AUTS2: variants seen among roughly 807,000 people sequenced by gnomAD.
The protein encoded by AUTS2 is autism susceptibility gene 2 protein.
Under a neutral mutation model 112.4 loss-of-function variants are expected in AUTS2, and 17 were observed. That is an observed-to-expected ratio of 0.15 (90% confidence interval 0.10 to 0.23). AUTS2 has a LOEUF of 0.23. AUTS2 is among the 10% of genes least tolerant of loss of function. The probability of loss-of-function intolerance (pLI) is 1.00; values close to 1 mark genes in which losing one functional copy is unlikely to be tolerated. For synonymous variants in AUTS2, 751 were observed against 702.7 expected (o/e 1.07, Z -1.09); for missense variants, 1,510 against 1,701.6 (o/e 0.89, Z 1.98).
intron 4 of AUTS2, among the ~76,000 whole-genome samples, chr7:70,265,229 G>T (rs1246200612): frequency 6.6e-6 from 1 of 152,184 alleles, no homozygotes; most frequent in Admixed American, 6.5e-5. Context: ...AGAATGGGGA[G>T]ACTGGAGTAC....
intron 4 of AUTS2, among the ~76,000 whole-genome samples, chr7:70,210,515 A>G (rs1440438342): frequency 6.6e-6 from 1 of 152,218 alleles, no homozygotes; most frequent in Admixed American, 6.5e-5. Context: ...GACATTTCCT[A>G]TTACCAGCAA....
chr7:70,724,443 C>CTT lies in AUTS2; in HGVS notation c.742+25842_742+25843dup, dbSNP rs71077675. ...AAGAATGATTTTATTTTCATCCTGACTTTTTTTTTTTTTTTTTTTTGAGAC... is the reference window on the plus strand; with the variant it reads ...AAGAATGATTTTATTTTCATCCTGACTTTTTTTTTTTTTTTTTTTTTTGAGAC... On this transcript the variant is annotated intron_variant, in intron 6 of 18. Transcript: ENST00000342771. Among the ~76,000 whole-genome samples the CTT allele has an allele frequency of 1.5e-3, 150 of 101,360 alleles. 5 individuals carry two copies. The highest frequency in any genetic ancestry group is 2.3e-3 in the African/African-American group (66 of 29,038). The allele number at this position is 101,360 out of a possible 152,430, so 66.5% of individuals were successfully genotyped here. A position where few individuals can be genotyped will look rare whatever the true frequency, so the allele number is the denominator to read the frequency against.
intron 5 of AUTS2, among the ~76,000 whole-genome samples, chr7:70,438,672 T>C (rs1795995861): frequency 6.6e-6 from 1 of 152,202 alleles, no homozygotes; most frequent in Admixed American, 6.5e-5. Context: ...TTCTGCTCTG[T>C]CGGAGCCTGG....
intron 5 of AUTS2, among the ~76,000 whole-genome samples, chr7:70,498,527 T>C (rs1026073304): frequency 6.6e-6 from 1 of 152,134 alleles, no homozygotes; most frequent in African/African-American, 2.4e-5. Flanking sequence ...TTCTCTTAAA[T>C]GGGATAGAAT....
intron 4 of AUTS2, among the ~76,000 whole-genome samples, chr7:70,151,116 T>A (rs1199506397): frequency 6.6e-6 from 1 of 151,964 alleles, no homozygotes; most frequent in Non-Finnish European, 1.5e-5. Context: ...ATACTGAGAG[T>A]CCAGGAAGAA....
intron 5 of AUTS2, among the ~76,000 whole-genome samples, chr7:70,664,005 C>T (rs1242733277): frequency 2.6e-5 from 4 of 152,080 alleles, no homozygotes; most frequent in African/African-American, 9.7e-5. Context: ...TCTGACTCCA[C>T]CAAGGCAGAA....
chr7:70,583,756 C>T lies in AUTS2; in HGVS notation c.691-114813C>T, dbSNP rs139358108. ...TGCCGAGCAACTCTGTCCTTCTGGGCGAGCCTTTCTTTGTGGAAGAAAGCA... is the reference window on the plus strand; with the variant it reads ...TGCCGAGCAACTCTGTCCTTCTGGGTGAGCCTTTCTTTGTGGAAGAAAGCA... On this transcript the variant is annotated intron_variant, in intron 5 of 18. Coordinates refer to ENST00000342771, the MANE Select transcript of AUTS2 (RefSeq NM_015570.4). 1.1e-4 allele frequency among the ~76,000 whole-genome samples: 17 copies of T among 152,276 alleles called. No homozygotes were observed. The East Asian group carries it at 3.3e-3, about 29-fold the overall frequency.
In AUTS2 at chr7:69,899,370, G is replaced by A; in HGVS notation, c.394G>A (p.Gly132Ser). 1 of 1,614,046 alleles carries A rather than the reference G, an allele frequency of 6.2e-7. No individual in the cohort carries two copies. The highest frequency in any genetic ancestry group is 8.5e-7 in the Non-Finnish European group (1 of 1,179,952). ...TKKKREALTN[G>S]LSFHSKKSRL... ...GAAGAAACGAGAAGCACTTACCAATGGCTTGTCCTTTCATTCAAAGAAGAG... is the reference window on the plus strand; with the variant it reads ...GAAGAAACGAGAAGCACTTACCAATAGCTTGTCCTTTCATTCAAAGAAGAG... The change falls in exon 2 of 19, where the codon GGC becomes AGC. Residue 132 changes from glycine (G) to serine (S), a missense_variant. By Grantham distance (56) the Gly-to-Ser change is moderately conservative (BLOSUM62 0). This residue lies in a region of AUTS2 where 535 missense variants were observed against 594.3 expected (regional missense o/e 0.90). Transcript: ENST00000342771.
rs952884928 is a variant in AUTS2 at position 70,352,303 on chromosome 7, C to T, written c.661-83449C>T. Among the ~76,000 whole-genome samples, 5 of 152,330 alleles carry T rather than the reference C, an allele frequency of 3.3e-5. No individual in the cohort carries two copies. The South Asian group carries it at 8.3e-4, about 25-fold the overall frequency. Reference sequence around the variant, plus strand: ...TTTGCTGTCTCTGAAAATCCTTGCTCTTACAGTGTCAGCCAGAGTCCTGCA... The same window carrying T: ...TTTGCTGTCTCTGAAAATCCTTGCTTTTACAGTGTCAGCCAGAGTCCTGCA... On this transcript the variant is annotated intron_variant, in intron 4 of 18. Transcript: ENST00000342771.
chr7:69,935,204 T>G (rs753810181), intron 2 of AUTS2, among the ~76,000 whole-genome samples: 8 of 151,968 alleles, frequency 5.3e-5, no homozygotes, highest in Admixed American at 3.3e-4. Flanking sequence ...TCTTTGGAGG[T>G]GCATGCCAGG....
chr7:69,764,215 C>T lies in AUTS2; in HGVS notation c.310-135071C>T, dbSNP rs527699907. 1.8e-4 allele frequency among the ~76,000 whole-genome samples: 28 copies of T among 152,154 alleles called. No individual in the cohort carries two copies. The South Asian group carries it at 5.6e-3, about 31-fold the overall frequency. ...GGATAATTCTCTGAGCAATTTAGGCCAGGTGAATACTGGACAGTAATTTCC... is the reference window on the plus strand; with the variant it reads ...GGATAATTCTCTGAGCAATTTAGGCTAGGTGAATACTGGACAGTAATTTCC... On this transcript the variant is annotated intron_variant, in intron 1 of 18. Transcript: ENST00000342771.
rs145201390 is a variant in AUTS2, at chr7:70,173,663, G to A, written c.660+39092G>A. On this transcript the variant is annotated intron_variant, in intron 4 of 18. Transcript: ENST00000342771. ...TACATCAAGCAAGTCTGTCAGCACCGTTTTTCCAACAGCATATGCTCACTT... is the reference window on the plus strand; with the variant it reads ...TACATCAAGCAAGTCTGTCAGCACCATTTTTCCAACAGCATATGCTCACTT... Among the ~76,000 whole-genome samples, 1,328 of 152,248 alleles carry A rather than the reference G, an allele frequency of 8.7e-3. 12 individuals carry two copies. The highest frequency in any genetic ancestry group is 0.027 in the Middle Eastern group (8 of 294).
intron 5 of AUTS2, among the ~76,000 whole-genome samples, chr7:70,623,898 A>T (rs1804804999): frequency 6.6e-6 from 1 of 152,198 alleles, no homozygotes; most frequent in Non-Finnish European, 1.5e-5. Flanking sequence ...TTTCTGATGA[A>T]CTGCCGTTCT....
At chr7:69,916,649 A>G (rs1014201944) in intron 2 of AUTS2, among the ~76,000 whole-genome samples, 2 of 152,184 alleles carry the variant, frequency 1.3e-5, no homozygotes, top group African/African-American at 4.8e-5. Context: ...CATCCAAGCC[A>G]TAAATCTGTT....
At chr7:70,499,614 C>G (rs1186640019) in intron 5 of AUTS2, among the ~76,000 whole-genome samples, 4 of 152,222 alleles carry the variant, frequency 2.6e-5, no homozygotes, top group African/African-American at 9.6e-5. Context: ...GCCAGAGAAC[C>G]CTGCCTTAGC....
chr7:70,494,255 A>G (rs1406020068), intron 5 of AUTS2, among the ~76,000 whole-genome samples: 1 of 152,170 alleles, frequency 6.6e-6, no homozygotes, highest in Non-Finnish European at 1.5e-5. Context: ...AATCTCTACT[A>G]ATCTTTCCCT....
rs1178592702 is a variant in AUTS2 at position 70,791,196 on chromosome 7, C to CCAGT, written c.*203_*206dup. On this transcript the variant is annotated 3_prime_UTR_variant, in exon 19 of 19. Transcript: ENST00000342771. ...GTTGAGATTTTTCAGATCTTTTAGCCCAGTCATATGTTCTCACGTCTCCTA... is the reference window on the plus strand; with the variant it reads ...GTTGAGATTTTTCAGATCTTTTAGCCCAGTCAGTCATATGTTCTCACGTCTCCTA... 8 of 509,202 alleles carry CCAGT rather than the reference C, an allele frequency of 1.6e-5. No individual in the cohort carries two copies. In the East Asian group the frequency reaches 2.1e-4, roughly 13 times the overall value. 31.5% of individuals were successfully genotyped at this position (509,202 alleles called of 1,614,324 possible).
intron 2 of AUTS2, among the ~76,000 whole-genome samples, chr7:69,985,642 C>T (rs1798479527): frequency 6.6e-6 from 1 of 152,190 alleles, no homozygotes; most frequent in South Asian, 2.1e-4. Flanking sequence ...AAACTTTCTT[C>T]AGTTGCTCTA....
chr7:70,510,592 A>T (rs1270477644), intron 5 of AUTS2, among the ~76,000 whole-genome samples: 1 of 152,178 alleles, frequency 6.6e-6, no homozygotes, highest in Non-Finnish European at 1.5e-5. Flanking sequence ...TCTCTCACAA[A>T]TACATGGTGG....
Sources: gnomAD v4.1 joint callset for allele counts (sites outside exome capture counted in the v4.1 genomes callset) on GRCh38, gnomAD v4.1.1 for gene constraint, gnomAD v4.1.1 regional missense constraint, MANE v1.5 for transcripts, NCBI Gene and HGNC (gene_info 2026-07-23, HGNC 2026-07-21) for gene names.